Variants in SPACA7 observed in about 807,000 individuals in gnomAD.
SPACA7 encodes the protein sperm acrosome-associated protein 7.
Under a neutral mutation model 26.3 loss-of-function variants are expected in SPACA7, and 19 were observed. The observed-to-expected ratio is 0.72, with a 90% confidence interval of 0.50 to 1.06. The LOEUF (loss-of-function observed/expected upper bound fraction) is 1.06, where lower values mean the gene tolerates loss of function less well. Ranked by LOEUF, SPACA7 falls within the 50% of genes least tolerant of loss-of-function variation. The pLI is 0.00. For missense variants in SPACA7, 211 were observed against 229.9 expected (o/e 0.92, Z 0.53); for synonymous variants, 84 against 84.5 (o/e 0.99, Z 0.04).
intron 1 of SPACA7, among the ~76,000 whole-genome samples, chr13:112,380,673 T>C (rs542257687): frequency 6.6e-6 from 1 of 152,282 alleles, no homozygotes; most frequent in East Asian, 1.9e-4. Flanking sequence ...AAAAACAAAT[T>C]TTAAACCACT....
intron 1 of SPACA7, among the ~76,000 whole-genome samples, chr13:112,377,251 G>A (rs1166026724): frequency 6.6e-6 from 1 of 152,090 alleles, no homozygotes; most frequent in Non-Finnish European, 1.5e-5. Flanking sequence ...TCTAGAATTT[G>A]GATATTATGA....
rs1445665213 is a variant in SPACA7, at chr13:112,401,118, T to C, written c.399T>C (p.Arg133=). 6.2e-7 allele frequency: 1 copy of C among 1,614,196 alleles called. No homozygotes were observed. The highest frequency in any genetic ancestry group is 1.7e-5 in the Admixed American group (1 of 60,026). ...NLHGDPSENY[R]GPQVSPGSEK... ...ATGGCGATCCTTCTGAGAATTATCG[T>C]GGGCCACAGGTGTCTCCTGGCAGTG... The change falls in exon 5 of 7, where the codon CGT becomes CGC. Residue 133 remains arginine (R), a synonymous_variant. Transcript: ENST00000283550.
intron 2 of SPACA7, among the ~76,000 whole-genome samples, chr13:112,397,384 A>C (rs938510803): frequency 1.6e-4 from 24 of 152,084 alleles, no homozygotes; most frequent in African/African-American, 5.8e-4. Flanking sequence ...TTGCCACAAC[A>C]CCTGGCCATG....
rs559742720 is a variant in SPACA7, at chr13:112,415,065, C to G, written c.445+13901C>G. On this transcript the variant is annotated intron_variant, in intron 5 of 6. Coordinates refer to ENST00000283550, the MANE Select transcript of SPACA7 (RefSeq NM_145248.5). ...TCCTAAGTCCAGTTACACTGCAAAT[C>G]TCTTGCAACCTCCTAGATACCCAGC... is the stretch of plus-strand genomic sequence containing the variant. Among the ~76,000 whole-genome samples the G allele has an allele frequency of 2.1e-4, 32 of 152,332 alleles. No individual in the cohort carries two copies. In the South Asian group the frequency reaches 6.6e-3, roughly 32 times the overall value.
At chr13:112,421,174 T>A (rs9577362) in intron 5 of SPACA7, among the ~76,000 whole-genome samples, 12,212 of 142,472 alleles carry the variant, frequency 0.086, 1,092 homozygotes, top group East Asian at 0.28. Context: ...TTAGTTGAGA[T>A]CACTTGAAAT....
chr13:112,411,133 G>GT (rs3063148), intron 5 of SPACA7, among the ~76,000 whole-genome samples: 92,075 of 150,272 alleles, frequency 0.61, 28,809 homozygotes, highest in East Asian at 0.99. Flanking sequence ...CATTTGCTAT[G>GT]TTTTTTTTAG....
chr13:112,393,876 C>T (rs548183524), intron 2 of SPACA7, among the ~76,000 whole-genome samples: 1 of 151,910 alleles, frequency 6.6e-6, no homozygotes, highest in East Asian at 1.9e-4. Context: ...GTCCCAACCA[C>T]TTGAGAGGCT....
At chr13:112,404,206 G>C (rs941353006) in intron 5 of SPACA7, among the ~76,000 whole-genome samples, 8 of 151,998 alleles carry the variant, frequency 5.3e-5, no homozygotes, top group African/African-American at 1.9e-4. Flanking sequence ...ACTGTTCGTT[G>C]GCCATTTGTA....
Position 112,376,507 on chromosome 13 carries a change from G to A in SPACA7, c.94+28G>A. 4 of 1,603,458 alleles carry A rather than the reference G, an allele frequency of 2.5e-6. 1 individual carries two copies. The South Asian group carries it at 4.5e-5, about 18-fold the overall frequency. On this transcript the variant is annotated intron_variant, in intron 1 of 6. Coordinates refer to ENST00000283550, the MANE Select transcript of SPACA7 (RefSeq NM_145248.5). The stretch of plus-strand genomic sequence containing the variant: ...AGGGCCCCACAGGGATGTCTCAGCA[G>A]AAAGAGAACTGAACCAGGTGGGGAG...
rs773252942 is a variant in SPACA7, at chr13:112,376,491, C to T, written c.94+12C>T. 11 of 1,609,826 alleles carry T rather than the reference C, an allele frequency of 6.8e-6. No individual in the cohort carries two copies. Among genetic ancestry groups the T allele is most frequent in the Middle Eastern group, 1.7e-4 (1 of 6,054 alleles). On this transcript the variant is annotated intron_variant, in intron 1 of 6. Transcript: ENST00000283550. ...AACCGTGATTCCAGGTAGGGCCCCACAGGGATGTCTCAGCAGAAAGAGAAC... is the reference window on the plus strand; with the variant it reads ...AACCGTGATTCCAGGTAGGGCCCCATAGGGATGTCTCAGCAGAAAGAGAAC...
intron 1 of SPACA7, among the ~76,000 whole-genome samples, chr13:112,382,054 C>T (rs964598643): frequency 9.2e-5 from 14 of 152,112 alleles, no homozygotes; most frequent in African/African-American, 3.4e-4. Context: ...GAGCTGTTAC[C>T]GTCTTTGTTT....
rs1358723858 is a variant in SPACA7 at position 112,401,059 on chromosome 13, G to A, written c.350-10G>A. On this transcript the variant is annotated splice_polypyrimidine_tract_variant and intron_variant, in intron 4 of 6. Coordinates refer to ENST00000283550, the MANE Select transcript of SPACA7 (RefSeq NM_145248.5). The stretch of plus-strand genomic sequence containing the variant: ...CATTTTCCCCATTTTTTCCATATTT[G>A]TCATTAAAGAAGCCAATGCTAATGC... 1.9e-6 allele frequency: 3 copies of A among 1,608,522 alleles called. No individual in the cohort carries two copies. Among genetic ancestry groups the A allele is most frequent in the Admixed American group, 1.7e-5 (1 of 59,760 alleles).
At chr13:112,411,606 T>G (rs1167012454) in intron 5 of SPACA7, among the ~76,000 whole-genome samples, 3 of 152,154 alleles carry the variant, frequency 2.0e-5, no homozygotes, top group African/African-American at 7.2e-5. Flanking sequence ...CCCTTTTACC[T>G]TCCCAGCCTC....
intron 1 of SPACA7, among the ~76,000 whole-genome samples, chr13:112,386,963 A>G (rs1304815919): frequency 6.6e-6 from 1 of 152,250 alleles, no homozygotes; most frequent in Non-Finnish European, 1.5e-5. Context: ...AGAGGAAATC[A>G]GAAGCTATCT....
chr13:112,430,172 C>CTGTGTGTGTGTGTG (rs1254393630), intron 5 of SPACA7, among the ~76,000 whole-genome samples: 4,597 of 122,390 alleles, frequency 0.038, 110 homozygotes, highest in African/African-American at 0.069. Context: ...GCATCTCTCT[C>CTGTGTGTGTGTGTG]TCTGTGTGTG....
At chr13:112,404,082 A>G (rs1885821273) in intron 5 of SPACA7, among the ~76,000 whole-genome samples, 1 of 152,138 alleles carries the variant, frequency 6.6e-6, no homozygotes, top group South Asian at 2.1e-4. Flanking sequence ...CCACATCACC[A>G]TCTATTATTT....
In SPACA7 at chr13:112,408,912, T is replaced by C. The variant is rs555160108; in HGVS notation, c.445+7748T>C. ...AAAAGGGCCTACATTGCCAAGACAA[T>C]CCTAAGCCAAAAAAACAAAGCTGGA... On this transcript the variant is annotated intron_variant, in intron 5 of 6. Coordinates refer to ENST00000283550, the MANE Select transcript of SPACA7 (RefSeq NM_145248.5). Among the ~76,000 whole-genome samples the C allele has an allele frequency of 5.9e-5, 9 of 152,030 alleles. No homozygotes were observed. In the East Asian group the frequency reaches 1.5e-3, roughly 26 times the overall value.
chr13:112,399,127 G>T lies in SPACA7; in HGVS notation c.303G>T (p.Glu101Asp). 6.2e-7 allele frequency: 1 copy of T among 1,610,972 alleles called. No homozygotes were observed. The change falls in exon 4 of 7, where the codon GAG (glutamate) becomes GAT (aspartate). Residue 101 changes from glutamate to aspartate, a missense_variant. Transcript: ENST00000283550. ...CTGAGAATTACCATGAATTATTAGA[G>T]AATTTACAATTCTCTCCTGGCATTG... Reference protein sequence around the residue: ...GGSENYHELLENLQFSPGIEV... With the variant: ...GGSENYHELLDNLQFSPGIEV...
intron 5 of SPACA7, among the ~76,000 whole-genome samples, chr13:112,402,018 G>A (rs1329809438): frequency 1.3e-5 from 2 of 152,044 alleles, no homozygotes; most frequent in South Asian, 2.1e-4. Context: ...AGTTTTTTTA[G>A]CTTTTCTTTT....
Sources: allele counts gnomAD v4.1 joint callset (sites outside exome capture counted in the v4.1 genomes callset), GRCh38; gene constraint gnomAD v4.1.1; transcripts MANE v1.5; gene names NCBI Gene and HGNC (gene_info 2026-07-23, HGNC 2026-07-21).